The following MICB variants were observed in gnomAD, a reference collection of about 807,000 sequenced individuals.
MICB encodes the protein MHC class I polypeptide-related sequence B.
MICB carries 27 observed loss-of-function variants against 34.3 expected under a neutral mutation model. That is an observed-to-expected ratio of 0.79 (90% CI 0.58 to 1.08). The LOEUF (loss-of-function observed/expected upper bound fraction) is 1.08. MICB is among the 50% of genes least tolerant of loss of function. The probability of loss-of-function intolerance (pLI) is 0.00; values close to 1 mark genes in which losing one functional copy is unlikely to be tolerated. For missense variants in MICB, 426 were observed against 483.1 expected (o/e 0.88, Z 1.11); for synonymous variants, 153 against 187.4 (o/e 0.82, Z 1.50).
In MICB at chr6:31,509,811, C is replaced by T. The variant is rs1245084374; in HGVS notation, c.1054C>T (p.His352Tyr). ...TGTGAGCCTGCAGGTCCTGGATCAACACCCAGTTGGGACAGGAGACCACAG... is the reference window on the plus strand; with the variant it reads ...TGTGAGCCTGCAGGTCCTGGATCAATACCCAGTTGGGACAGGAGACCACAG... Reference protein sequence around the residue: ...ELVSLQVLDQHPVGTGDHRDA... With the variant: ...ELVSLQVLDQYPVGTGDHRDA... The change falls in exon 6 of 6, where the codon CAC (histidine) becomes TAC (tyrosine). Residue 352 changes from histidine to tyrosine, a missense_variant. Transcript: ENST00000252229. The T allele has an allele frequency of 6.2e-7, 1 of 1,613,278 alleles. No individual in the cohort carries two copies. Among genetic ancestry groups the T allele is most frequent in the Non-Finnish European group, 8.5e-7 (1 of 1,179,516 alleles).
At chr6:31,497,373 C>T (rs1468439448), upstream of MICB, among the ~76,000 whole-genome samples, 1 of 151,976 alleles carries the variant, frequency 6.6e-6, no homozygotes, top group African/African-American at 2.4e-5. Flanking sequence ...CTAAAACAGG[C>T]TGGAAAAGGG....
At chr6:31,497,938 G>A (rs1764755840), upstream of MICB, 1 of 300,776 alleles carries the variant, frequency 3.3e-6, no homozygotes, top group Non-Finnish European at 6.4e-6. Flanking sequence ...GGCTGCGCTC[G>A]CGCACGCTCC....
intron 5 of MICB, among the ~76,000 whole-genome samples, chr6:31,508,844 A>G (rs1337829423): frequency 6.6e-6 from 1 of 152,222 alleles, no homozygotes; most frequent in Non-Finnish European, 1.5e-5. Context: ...AGCATATTAA[A>G]TAAAACAGGA....
At chr6:31,499,116 G>C (rs1337549545) in intron 1 of MICB, among the ~76,000 whole-genome samples, 2 of 152,048 alleles carry the variant, frequency 1.3e-5, no homozygotes, top group Non-Finnish European at 2.9e-5. Context: ...TGGGGACTGT[G>C]GGGGGTCCTG....
chr6:31,496,895 G>C (rs1764698297), upstream of MICB: 1 of 152,510 alleles, frequency 6.6e-6, no homozygotes, highest in Non-Finnish European at 1.5e-5. Flanking sequence ...ATCCTGGTGG[G>C]ATAGGGTGAG....
At position 31,511,052 on chromosome 6, in the gene MICB, C is replaced by A. The variant is rs1765640893; in HGVS notation, c.*1143C>A. ...CTTGAGGTCCCCTCGCCCCGTCACACCGTTATGCATTACTCTGTGTCTACT... is the reference window on the plus strand; with the variant it reads ...CTTGAGGTCCCCTCGCCCCGTCACAACGTTATGCATTACTCTGTGTCTACT... On this transcript the variant is annotated 3_prime_UTR_variant, in exon 6 of 6. Transcript: ENST00000252229. The A allele has an allele frequency of 6.6e-6, 1 of 152,228 alleles. No homozygotes were observed. The highest frequency in any genetic ancestry group is 2.4e-5 in the African/African-American group (1 of 41,454). The allele number at this position is 152,228 out of a possible 1,614,324, so 9.4% of individuals were successfully genotyped here. A position where few individuals can be genotyped will look rare whatever the true frequency, so the allele number is the denominator to read the frequency against.
chr6:31,502,328 C>T (rs1162473776), intron 1 of MICB, among the ~76,000 whole-genome samples: 1 of 152,164 alleles, frequency 6.6e-6, no homozygotes, highest in Non-Finnish European at 1.5e-5. Flanking sequence ...AGGAGCAAAA[C>T]TCCATCTCAG....
chr6:31,500,640 C>T lies in MICB; in HGVS notation c.70+2377C>T, dbSNP rs151161756. Among the ~76,000 whole-genome samples the T allele has an allele frequency of 3.2e-3, 488 of 152,298 alleles. 1 individual carries two copies. The highest frequency in any genetic ancestry group is 0.02 in the Middle Eastern group (6 of 294). On this transcript the variant is annotated intron_variant, in intron 1 of 5. Transcript: ENST00000252229. ...TCTGGTAGTCGTCATTCTATTGTCT[C>T]TCCCCATGAGGTCCATTGTTTTAAT... is the stretch of plus-strand genomic sequence containing the variant.
intron 1 of MICB, among the ~76,000 whole-genome samples, chr6:31,502,322 G>C (rs761375022): frequency 2.2e-4 from 34 of 152,132 alleles, no homozygotes; most frequent in Non-Finnish European, 4.6e-4. Context: ...GGCAACAGGA[G>C]CAAAACTCCA....
At position 31,506,250 on chromosome 6, in the gene MICB, C is replaced by G; in HGVS notation, c.433C>G (p.Leu145Val). ...YDGELFLSQN[L>V]ETQESTVPQS... ...TGGGGAGCTCTTCCTCTCCCAAAAC[C>G]TGGAGACTCAAGAATCGACAGTGCC... is the stretch of plus-strand genomic sequence containing the variant. The change falls in exon 3 of 6, where the codon CTG (leucine) becomes GTG (valine). Residue 145 changes from leucine to valine, a missense_variant. Leu to Val is a conservative substitution (Grantham distance 32). Transcript: ENST00000252229. 9.9e-6 allele frequency: 16 copies of G among 1,614,234 alleles called. No individual in the cohort carries two copies. Among genetic ancestry groups the G allele is most frequent in the African/African-American group, 1.3e-5 (1 of 75,066 alleles).
At chr6:31,499,876 G>C (rs1157622424) in intron 1 of MICB, among the ~76,000 whole-genome samples, 1 of 152,006 alleles carries the variant, frequency 6.6e-6, no homozygotes, top group Admixed American at 6.6e-5. Flanking sequence ...TCTTTCAGTG[G>C]GAAAGTGGGA....
chr6:31,507,681 C>T lies in MICB; in HGVS notation c.1024+150C>T. On this transcript the variant is annotated intron_variant, in intron 5 of 5. Transcript: ENST00000252229. This position sits in a 1 kb window ranked among gnomAD's most constrained non-coding sequence, Gnocchi z 6.0. ...GTATTTGGGAGGGGAATGGGAGCTG[C>T]ATCTCCATCTACACCCATAAGTGCT... 1 of 953,460 alleles carries T rather than the reference C, an allele frequency of 1.0e-6. No homozygotes were observed. The highest frequency in any genetic ancestry group is 1.6e-6 in the Non-Finnish European group (1 of 637,998). The allele number at this position is 953,460 out of a possible 1,614,324, so 59.1% of individuals were successfully genotyped here.
At chr6:31,498,431 T>G (rs1764803829) in intron 1 of MICB, among the ~76,000 whole-genome samples, 168 bp downstream of exon 1, 1 of 143,280 alleles carries the variant, frequency 7.0e-6, no homozygotes, top group Admixed American at 7.0e-5. Flanking sequence ...AGCCCTGCTT[T>G]CCCATCTCCC....
At chr6:31,506,956 G>T (rs1765370730) in intron 3 of MICB, 66 bp from the exon 4 acceptor site, 2 of 1,571,566 alleles carry the variant, frequency 1.3e-6, no homozygotes, top group South Asian at 2.4e-5. Context: ...GAGAGGAGCA[G>T]CCCTGTTCCC....
At position 31,505,883 on chromosome 6, in the gene MICB, C is replaced by T; in HGVS notation, c.325+12C>T. On this transcript the variant is annotated intron_variant, in intron 2 of 5. Coordinates refer to ENST00000252229, the MANE Select transcript of MICB (RefSeq NM_005931.5). ...GGACCAGAAAGGAGGTGAGAGTCGG[C>T]AGGGGCAAGAGTAATGGGAGGCCTT... 6.3e-7 allele frequency: 1 copy of T among 1,588,960 alleles called. No homozygotes were observed. The highest frequency in any genetic ancestry group is 8.6e-7 in the Non-Finnish European group (1 of 1,167,192).
Position 31,498,193 on chromosome 6 carries a change from C to G in MICB, c.-1C>G, listed in dbSNP as rs1250194892. The G allele has an allele frequency of 1.5e-5, 23 of 1,581,394 alleles. No homozygotes were observed. In the Admixed American group the frequency reaches 3.9e-4, roughly 27 times the overall value. The stretch of plus-strand genomic sequence containing the variant: ...GCTGAGAAGGTGGCGACGTAGGGGC[C>G]ATGGGGCTGGGCCGGGTCCTGCTGT... On this transcript the variant is annotated 5_prime_UTR_variant, in exon 1 of 6. Coordinates refer to ENST00000252229, the MANE Select transcript of MICB (RefSeq NM_005931.5).
intron 2 of MICB, 84 bp from the exon 3 acceptor site, chr6:31,506,059 G>C (rs1765301577): frequency 6.6e-7 from 1 of 1,508,000 alleles, no homozygotes; most frequent in South Asian, 1.3e-5. Flanking sequence ...GGGCCAGGGA[G>C]GGGTCGCTGC....
At chr6:31,501,690 T>C (rs984978020) in intron 1 of MICB, among the ~76,000 whole-genome samples, 1 of 152,214 alleles carries the variant, frequency 6.6e-6, no homozygotes, top group Non-Finnish European at 1.5e-5. Flanking sequence ...GAAGAGACTC[T>C]CCTTTGCCCT....
At chr6:31,501,084 G>A (rs2534665) in intron 1 of MICB, among the ~76,000 whole-genome samples, 22,693 of 136,902 alleles carry the variant, frequency 0.17, 1,896 homozygotes, top group South Asian at 0.3. Flanking sequence ...CTACATCCTC[G>A]CCAGGATTCC....
Sources: allele counts gnomAD v4.1 joint callset (sites outside exome capture counted in the v4.1 genomes callset), GRCh38; gene constraint gnomAD v4.1.1; non-coding constraint Gnocchi (gnomAD v3.1); transcripts MANE v1.5; gene names NCBI Gene and HGNC (gene_info 2026-07-23, HGNC 2026-07-21).